The following APBA2 variants were observed in gnomAD, a reference collection of about 807,000 sequenced individuals.
APBA2 encodes amyloid beta precursor protein binding family A member 2.
A neutral mutation model predicts 75.0 loss-of-function variants in APBA2; 30 were observed. That is an observed-to-expected ratio of 0.40 (90% CI 0.30 to 0.54). The LOEUF is 0.54. Among genes scored for constraint, APBA2 ranks in the 20% least tolerant of loss-of-function variants. The pLI is 0.49. For missense variants in APBA2, 801 were observed against 1,016.1 expected, an observed-to-expected ratio of 0.79 and a Z score of 2.88; for synonymous variants, 444 against 409.6, an observed-to-expected ratio of 1.08 and a Z score of -1.01.
At position 29,117,374 on chromosome 15, in the gene APBA2, C is replaced by T. The variant is rs1361774598; in HGVS notation, c.*241C>T. ...TTGTAAAGCGTTCCAAGTATTTTGC[C>T]ACGTTCTGGACTGTCTTCTCCCTGC... is the stretch of plus-strand genomic sequence containing the variant. On this transcript the variant is annotated 3_prime_UTR_variant, in exon 15 of 15. Transcript: ENST00000683413. 1.7e-6 allele frequency: 1 copy of T among 581,742 alleles called. No homozygotes were observed. Among genetic ancestry groups the T allele is most frequent in the Non-Finnish European group, 3.1e-6 (1 of 325,284 alleles). The allele number at this position is 581,742 out of a possible 1,614,324, so 36.0% of individuals were successfully genotyped here. A position where few individuals can be genotyped will look rare whatever the true frequency, so the allele number is the denominator to read the frequency against.
rs535631552 is a variant in APBA2, at chr15:29,117,166, C to T, written c.*33C>T. 34 of 1,604,830 alleles carry T rather than the reference C, an allele frequency of 2.1e-5. No individual in the cohort carries two copies. Among genetic ancestry groups the T allele is most frequent in the East Asian group, 6.7e-5 (3 of 44,800 alleles). On this transcript the variant is annotated 3_prime_UTR_variant, in exon 15 of 15. Coordinates refer to ENST00000683413, the MANE Select transcript of APBA2 (RefSeq NM_001353788.2). ...CAGCCTGGCCACGCAGCCAGGACAC[C>T]GGGCAGGGCCGCCCGGGCCCAGAGG...
At chr15:29,075,243 T>C (rs73370232) in intron 5 of APBA2, among the ~76,000 whole-genome samples, 6 of 152,112 alleles carry the variant, frequency 3.9e-5, no homozygotes, top group Non-Finnish European at 2.9e-5. Flanking sequence ...TGGAGTGCTC[T>C]TGTGTTGCAG....
chr15:28,941,312 C>T (rs1352116840), intron 2 of APBA2, among the ~76,000 whole-genome samples: 1 of 152,080 alleles, frequency 6.6e-6, no homozygotes, highest in Non-Finnish European at 1.5e-5. Context: ...GGAAGAGCCA[C>T]ACTGCCCGGG....
At chr15:28,988,404 C>T (rs2038040804) in intron 2 of APBA2, among the ~76,000 whole-genome samples, 1 of 151,836 alleles carries the variant, frequency 6.6e-6, no homozygotes, top group Non-Finnish European at 1.5e-5. Flanking sequence ...GCTGGGATTA[C>T]AGGCGCCCGC....
chr15:28,988,248 T>C (rs2038030513), intron 2 of APBA2, among the ~76,000 whole-genome samples: 1 of 151,940 alleles, frequency 6.6e-6, no homozygotes, highest in Non-Finnish European at 1.5e-5. Context: ...TATCACCTTG[T>C]ATTTTTTTCT....
chr15:29,098,528 C>T lies in APBA2; in HGVS notation c.1290C>T (p.Asp430=). ...EGDAQTLTEV[D]LFISTQRIKV... The stretch of plus-strand genomic sequence containing the variant: ...ATGCCCAGACGCTGACGGAAGTGGA[C>T]CTCTTCATTTCCACCCAGAGGATCA... The change falls in exon 9 of 15, where the codon GAC becomes GAT. Residue 430 remains aspartate (D), a synonymous_variant. Transcript: ENST00000683413. 6.2e-7 allele frequency: 1 copy of T among 1,614,160 alleles called. No individual in the cohort carries two copies. Among genetic ancestry groups the T allele is most frequent in the Non-Finnish European group, 8.5e-7 (1 of 1,180,004 alleles).
chr15:29,060,202 G>A (rs1160200814), intron 4 of APBA2, among the ~76,000 whole-genome samples: 1 of 152,208 alleles, frequency 6.6e-6, no homozygotes, highest in Non-Finnish European at 1.5e-5. Flanking sequence ...AAGTCCGTGG[G>A]TGCCGGTGGA....
intron 4 of APBA2, among the ~76,000 whole-genome samples, chr15:29,062,408 A>C (rs965545851): frequency 1.3e-5 from 2 of 152,110 alleles, no homozygotes; most frequent in Non-Finnish European, 2.9e-5. Flanking sequence ...TGAAAAATAA[A>C]ATCCTACGGG....
chr15:28,890,887 C>A (rs1010337244), intron 1 of APBA2, among the ~76,000 whole-genome samples: 1 of 152,120 alleles, frequency 6.6e-6, no homozygotes, highest in Non-Finnish European at 1.5e-5. Context: ...TTTTAAGGGT[C>A]AGGTTTGTGA....
At chr15:29,028,650 C>T (rs780700541) in intron 3 of APBA2, among the ~76,000 whole-genome samples, 16 of 152,104 alleles carry the variant, frequency 1.1e-4, no homozygotes, top group Non-Finnish European at 1.5e-4. Context: ...CCTATTTCCC[C>T]GAAACCTCGC....
chr15:28,925,060 T>C (rs2034186719), intron 2 of APBA2, among the ~76,000 whole-genome samples: 1 of 152,088 alleles, frequency 6.6e-6, no homozygotes, highest in Non-Finnish European at 1.5e-5. Flanking sequence ...CTCTGCCTCA[T>C]TTAGTGAGTG....
intron 2 of APBA2, among the ~76,000 whole-genome samples, chr15:28,931,706 A>G (rs2034573883): frequency 6.6e-6 from 1 of 152,200 alleles, no homozygotes; most frequent in African/African-American, 2.4e-5. Flanking sequence ...GGAGTTTGGC[A>G]GTACCTAAGG....
intron 8 of APBA2, among the ~76,000 whole-genome samples, chr15:29,096,035 A>G (rs1016084747): frequency 1.3e-5 from 2 of 152,220 alleles, no homozygotes; most frequent in African/African-American, 2.4e-5. Context: ...CCCAGCTCAA[A>G]AAGGCCTCTG....
chr15:29,114,927 G>GAC (rs2044992359), intron 14 of APBA2, among the ~76,000 whole-genome samples: 1 of 147,400 alleles, frequency 6.8e-6, no homozygotes, highest in East Asian at 2.0e-4. Flanking sequence ...GCATGAGTGT[G>GAC]TATGTGTGCA....
chr15:29,014,434 A>G (rs2039556398), intron 3 of APBA2, among the ~76,000 whole-genome samples: 1 of 152,256 alleles, frequency 6.6e-6, no homozygotes, highest in Non-Finnish European at 1.5e-5. Context: ...CAATCCTTTA[A>G]TAAATGCATT....
intron 4 of APBA2, among the ~76,000 whole-genome samples, chr15:29,070,421 G>A (rs899613583): frequency 6.6e-6 from 1 of 152,186 alleles, no homozygotes; most frequent in Non-Finnish European, 1.5e-5. Context: ...CTGACTGGCT[G>A]TTTTTCCCAG....
intron 3 of APBA2, among the ~76,000 whole-genome samples, chr15:29,011,202 G>A (rs2039387031): frequency 6.6e-6 from 1 of 152,170 alleles, no homozygotes; most frequent in Admixed American, 6.5e-5. Flanking sequence ...ATATTATGTG[G>A]TATGAATAGA....
intron 1 of APBA2, among the ~76,000 whole-genome samples, chr15:28,896,504 C>T (rs2032499333): frequency 6.6e-6 from 1 of 152,238 alleles, no homozygotes; most frequent in Admixed American, 6.5e-5. Flanking sequence ...TGGTCTTGAT[C>T]TGCTGACCTC....
At chr15:29,116,434 G>A (rs182338688) in intron 14 of APBA2, among the ~76,000 whole-genome samples, 220 of 152,126 alleles carry the variant, frequency 1.4e-3, no homozygotes, top group Admixed American at 6.1e-3. Flanking sequence ...AGACCATCCT[G>A]GCTAACACGG....
Sources: allele counts gnomAD v4.1 joint callset (sites outside exome capture counted in the v4.1 genomes callset), GRCh38; gene constraint gnomAD v4.1.1; transcripts MANE v1.5; gene names NCBI Gene and HGNC (gene_info 2026-07-23, HGNC 2026-07-21).